CR1L: variants seen among roughly 807,000 people sequenced by gnomAD.
The protein encoded by CR1L is complement component receptor 1-like protein.
CR1L carries 59 observed loss-of-function variants against 62.3 expected under a neutral mutation model. That is an observed-to-expected ratio of 0.95 (90% CI 0.77 to 1.18). The LOEUF (loss-of-function observed/expected upper bound fraction) is 1.18, where lower values mean the gene tolerates loss of function less well. Among genes scored for constraint, CR1L ranks in the 50% most tolerant of loss-of-function variants. The probability of loss-of-function intolerance (pLI) is 0.00; values close to 1 mark genes in which losing one functional copy is unlikely to be tolerated. For synonymous variants in CR1L, 279 were observed against 248.7 expected (o/e 1.12, Z -1.15); for missense variants, 700 against 702.8 (o/e 1.00, Z 0.04).
intron 9 of CR1L, 140 bp from the exon 10 acceptor site, chr1:207,708,038 A>G (rs1571532876): frequency 1.0e-6 from 1 of 991,322 alleles, no homozygotes; most frequent in East Asian, 2.4e-5. Context: ...GAAGTAGAAA[A>G]GCTGGGAACA....
intron 3 of CR1L, among the ~76,000 whole-genome samples, chr1:207,680,963 C>A (rs191682323): frequency 6.6e-6 from 1 of 152,342 alleles, no homozygotes; most frequent in East Asian, 1.9e-4. Context: ...GGAATGCTGA[C>A]CCCATTCATT....
At chr1:207,700,115 A>C (rs1235639277) in intron 8 of CR1L, among the ~76,000 whole-genome samples, 1 of 152,188 alleles carries the variant, frequency 6.6e-6, no homozygotes, top group Non-Finnish European at 1.5e-5. Context: ...CCCCAATAGA[A>C]GATAGAACTT....
intron 1 of CR1L, chr1:207,652,691 A>G: frequency 1.1e-6 from 1 of 948,876 alleles, no homozygotes; most frequent in Non-Finnish European, 1.7e-6. Flanking sequence ...ACTATTTGTG[A>G]TCGGAATCAC....
At chr1:207,683,756 A>G in intron 3 of CR1L, 116 bp from the exon 4 acceptor site, 1 of 948,080 alleles carries the variant, frequency 1.1e-6, no homozygotes, top group Middle Eastern at 2.2e-4. Flanking sequence ...CAATTCTTTG[A>G]CAAGTGGAAA....
At chr1:207,673,333 A>G (rs909781042) in intron 1 of CR1L, among the ~76,000 whole-genome samples, 13 of 152,244 alleles carry the variant, frequency 8.5e-5, no homozygotes. Context: ...TTGTGTACAT[A>G]TATAATTTAT....
intron 1 of CR1L, chr1:207,659,130 G>C (rs1410820508): frequency 6.6e-6 from 1 of 152,428 alleles, no homozygotes; most frequent in Non-Finnish European, 1.5e-5. Flanking sequence ...TGGAGATCCT[G>C]ATGGAGACCT....
intron 1 of CR1L, among the ~76,000 whole-genome samples, chr1:207,668,632 A>G (rs1245767782): frequency 6.6e-6 from 1 of 151,078 alleles, no homozygotes; most frequent in Non-Finnish European, 1.5e-5. Context: ...TCACTCCTAC[A>G]TCCATATTCA....
At chr1:207,650,834 G>T (rs1663212000) in intron 1 of CR1L, among the ~76,000 whole-genome samples, 1 of 151,134 alleles carries the variant, frequency 6.6e-6, no homozygotes, top group Non-Finnish European at 1.5e-5. Context: ...TGCCCAGGCT[G>T]GAGTGCAGTG....
At chr1:207,680,975 G>A (rs761437707) in intron 3 of CR1L, among the ~76,000 whole-genome samples, 14 of 152,178 alleles carry the variant, frequency 9.2e-5, no homozygotes, top group Admixed American at 3.3e-4. Flanking sequence ...CCATTCATTT[G>A]GAGTTGGTGT....
At chr1:207,716,874 T>C (rs190689125) in intron 10 of CR1L, among the ~76,000 whole-genome samples, 1 of 152,202 alleles carries the variant, frequency 6.6e-6, no homozygotes, top group Admixed American at 6.5e-5. Flanking sequence ...AAGGAAGAAA[T>C]GATGGCTAAT....
At chr1:207,656,010 G>A (rs1359391890) in intron 1 of CR1L, among the ~76,000 whole-genome samples, 3 of 152,132 alleles carry the variant, frequency 2.0e-5, no homozygotes, top group Admixed American at 1.3e-4. Flanking sequence ...AGGCCGACGC[G>A]GGTGGATCGC....
At position 207,651,260 on chromosome 1, in the gene CR1L, G is replaced by A. The variant is rs115508417; in HGVS notation, c.97+5930G>A. Among the ~76,000 whole-genome samples the A allele has an allele frequency of 4.6e-3, 680 of 147,480 alleles. 8 individuals are homozygous for A. Among genetic ancestry groups the A allele is most frequent in the African/African-American group, 0.017 (660 of 39,176 alleles). ...TCAAGATACTGTTTTTCTGGGGGTA[G>A]GCATGTTTAGTTTGAAATTTTCCAT... is the stretch of plus-strand genomic sequence containing the variant. On this transcript the variant is annotated intron_variant, in intron 1 of 11. Transcript: ENST00000508064.
At chr1:207,679,898 G>A (rs1258209183) in intron 3 of CR1L, among the ~76,000 whole-genome samples, 8 of 152,118 alleles carry the variant, frequency 5.3e-5, no homozygotes, top group Non-Finnish European at 1.2e-4. Context: ...ACACCATTCT[G>A]GAAAAGGCAA....
chr1:207,648,757 T>C (rs1663175695), intron 1 of CR1L, among the ~76,000 whole-genome samples: 1 of 152,178 alleles, frequency 6.6e-6, no homozygotes, highest in African/African-American at 2.4e-5. Context: ...CTTCTTAGTT[T>C]CCTCACTCGG....
At chr1:207,648,570 C>T (rs1468124932) in intron 1 of CR1L, among the ~76,000 whole-genome samples, 1 of 130,628 alleles carries the variant, frequency 7.7e-6, no homozygotes, top group Non-Finnish European at 1.6e-5. Flanking sequence ...CAAATGGTTC[C>T]AGATAGCAGA....
intron 8 of CR1L, among the ~76,000 whole-genome samples, chr1:207,699,532 G>T (rs1664159964): frequency 6.6e-6 from 1 of 152,184 alleles, no homozygotes; most frequent in Non-Finnish European, 1.5e-5. Flanking sequence ...GGTCAGGAGA[G>T]ATTAGATAAT....
chr1:207,674,674 T>C (rs1228629375), intron 1 of CR1L, among the ~76,000 whole-genome samples: 2 of 152,248 alleles, frequency 1.3e-5, no homozygotes, highest in African/African-American at 2.4e-5. Flanking sequence ...TAACCTCTCA[T>C]TGCAAGCTTT....
At chr1:207,683,019 TTTCTTTCC>T (rs1221870783) in intron 3 of CR1L, among the ~76,000 whole-genome samples, 4 of 150,398 alleles carry the variant, frequency 2.7e-5, no homozygotes, top group South Asian at 2.1e-4. Flanking sequence ...TTTTTCTTTC[TTTCTTTCC>T]TTCCTTCCTT....
intron 1 of CR1L, among the ~76,000 whole-genome samples, chr1:207,675,404 T>A (rs1262251812): frequency 6.6e-6 from 1 of 152,122 alleles, no homozygotes; most frequent in East Asian, 1.9e-4. Context: ...GATAAGAAGG[T>A]GGTATTTTAG....
Sources: gnomAD v4.1 joint callset for allele counts (sites outside exome capture counted in the v4.1 genomes callset) on GRCh38, gnomAD v4.1.1 for gene constraint, MANE v1.5 for transcripts, NCBI Gene and HGNC (gene_info 2026-07-23, HGNC 2026-07-21) for gene names.